PDE4B: variants seen among roughly 807,000 people sequenced by gnomAD.
PDE4B encodes phosphodiesterase 4B.
In PDE4B, 20 loss-of-function variants were observed where a neutral mutation model predicts 82.2. That is an observed-to-expected ratio of 0.24 (90% CI 0.17 to 0.35). The LOEUF is 0.35. PDE4B is among the 10% of genes least tolerant of loss of function. The probability of loss-of-function intolerance (pLI) is 1.00; values close to 1 mark genes in which losing one functional copy is unlikely to be tolerated. For synonymous variants in PDE4B, 320 were observed against 318.9 expected (o/e 1.00, Z -0.04); for missense variants, 655 against 907.2 (o/e 0.72, Z 3.57).
At chr1:66,226,989 C>T (rs964669964) in intron 3 of PDE4B, among the ~76,000 whole-genome samples, 1 of 152,138 alleles carries the variant, frequency 6.6e-6, no homozygotes, top group Non-Finnish European at 1.5e-5. Context: ...ACAGGACTTG[C>T]TGATGTATTA....
At chr1:66,272,475 C>T (rs1318995778) in intron 7 of PDE4B, among the ~76,000 whole-genome samples, 1 of 152,178 alleles carries the variant, frequency 6.6e-6, no homozygotes, top group African/African-American at 2.4e-5. Context: ...CTGACTACCT[C>T]TGGTAACCCC....
intron 3 of PDE4B, among the ~76,000 whole-genome samples, chr1:66,020,774 A>T (rs1208015109): frequency 6.6e-6 from 1 of 152,212 alleles, no homozygotes; most frequent in Non-Finnish European, 1.5e-5. Context: ...CACAATAAAC[A>T]TAAGTGTGCA....
intron 3 of PDE4B, among the ~76,000 whole-genome samples, chr1:66,174,679 C>G (rs1470783816): frequency 1.3e-5 from 2 of 151,966 alleles, no homozygotes; most frequent in Admixed American, 6.6e-5. Context: ...TGACTTGAAC[C>G]TGGGAGGTGG....
intron 1 of PDE4B, among the ~76,000 whole-genome samples, chr1:65,841,279 G>A (rs116525431): frequency 0.023 from 3,430 of 151,768 alleles, 99 homozygotes; most frequent in East Asian, 0.081. Flanking sequence ...CTCCAGCCTG[G>A]GTGATAGAGC....
At chr1:66,301,927 C>G (rs1434928964) in intron 7 of PDE4B, among the ~76,000 whole-genome samples, 1 of 152,126 alleles carries the variant, frequency 6.6e-6, no homozygotes, top group Non-Finnish European at 1.5e-5. Context: ...GAAAGCTCTT[C>G]CTAAATCTTG....
At chr1:66,133,677 C>T (rs560880218) in intron 3 of PDE4B, among the ~76,000 whole-genome samples, 91 of 152,112 alleles carry the variant, frequency 6.0e-4, no homozygotes, top group Admixed American at 2.2e-3. Flanking sequence ...CCTTGTAATC[C>T]TTGGGGCCCA....
intron 3 of PDE4B, among the ~76,000 whole-genome samples, chr1:66,080,034 A>G (rs1011157782): frequency 2.0e-5 from 3 of 152,148 alleles, no homozygotes; most frequent in Admixed American, 6.6e-5. Context: ...GTCCTCAGAT[A>G]TTTCTACATA....
chr1:66,069,164 C>T (rs1656022668), intron 3 of PDE4B, among the ~76,000 whole-genome samples: 1 of 151,982 alleles, frequency 6.6e-6, no homozygotes, highest in Non-Finnish European at 1.5e-5. Flanking sequence ...TGTATTTTAA[C>T]CTGGGCATTG....
chr1:66,200,220 G>T (rs1442322452), intron 3 of PDE4B, among the ~76,000 whole-genome samples: 9 of 152,058 alleles, frequency 5.9e-5, no homozygotes, highest in African/African-American at 2.2e-4. Context: ...TGTTTTGGTA[G>T]CAGTACCATG....
chr1:65,846,582 A>T (rs534106707), intron 1 of PDE4B, among the ~76,000 whole-genome samples: 1 of 152,306 alleles, frequency 6.6e-6, no homozygotes, highest in African/African-American at 2.4e-5. Flanking sequence ...AGGGTTAAGA[A>T]GCTAAGATGC....
chr1:66,358,606 G>A (rs779641131), intron 9 of PDE4B, among the ~76,000 whole-genome samples: 2 of 151,482 alleles, frequency 1.3e-5, no homozygotes, highest in Non-Finnish European at 2.9e-5. Context: ...TCCAGGAGAT[G>A]GAGGTTGCAG....
At chr1:66,069,843 G>A (rs1379805215) in intron 3 of PDE4B, among the ~76,000 whole-genome samples, 8 of 152,056 alleles carry the variant, frequency 5.3e-5, no homozygotes, top group African/African-American at 1.9e-4. Flanking sequence ...ATTTTGGGTG[G>A]AATTATGTTT....
intron 3 of PDE4B, among the ~76,000 whole-genome samples, chr1:65,999,230 T>C (rs1651724647): frequency 6.6e-6 from 1 of 152,204 alleles, no homozygotes; most frequent in Non-Finnish European, 1.5e-5. Flanking sequence ...GTTTTTCTCC[T>C]TGGATGTTTA....
intron 1 of PDE4B, among the ~76,000 whole-genome samples, chr1:65,815,986 A>G (rs953794293): frequency 6.6e-6 from 1 of 152,124 alleles, no homozygotes; most frequent in African/African-American, 2.4e-5. Context: ...GAAAAAAATA[A>G]CAACTGCTTG....
intron 3 of PDE4B, among the ~76,000 whole-genome samples, chr1:66,037,834 T>C (rs1354063): frequency 0.47 from 71,631 of 151,934 alleles, 17,562 homozygotes; most frequent in Non-Finnish European, 0.54. Context: ...ATTTTTATCA[T>C]TTTATAAAAG....
chr1:66,095,654 AG>A (rs1645100427), intron 3 of PDE4B, among the ~76,000 whole-genome samples: 1 of 151,934 alleles, frequency 6.6e-6, no homozygotes, highest in South Asian at 2.1e-4. Flanking sequence ...GAACCATGCT[AG>A]TTCTCTATGA....
intron 3 of PDE4B, among the ~76,000 whole-genome samples, chr1:66,079,989 T>C (rs1354935989): frequency 2.0e-5 from 3 of 152,134 alleles, no homozygotes; most frequent in Non-Finnish European, 4.4e-5. Context: ...ATTTCAAATT[T>C]GAGCAATTAT....
chr1:65,974,282 A>G (rs1214578724), intron 3 of PDE4B, among the ~76,000 whole-genome samples: 1 of 152,224 alleles, frequency 6.6e-6, no homozygotes, highest in Non-Finnish European at 1.5e-5. Flanking sequence ...ATCAATGACA[A>G]TAAATAGACT....
At chr1:66,126,429 A>G (rs944061762) in intron 3 of PDE4B, among the ~76,000 whole-genome samples, 2 of 152,200 alleles carry the variant, frequency 1.3e-5, no homozygotes, top group African/African-American at 4.8e-5. Context: ...ACATTTTTAA[A>G]CTTTAAACTT....
Sources: gnomAD v4.1 joint callset for allele counts (sites outside exome capture counted in the v4.1 genomes callset) on GRCh38, gnomAD v4.1.1 for gene constraint, MANE v1.5 for transcripts, NCBI Gene and HGNC (gene_info 2026-07-23, HGNC 2026-07-21) for gene names.